ADGRL2: variants seen among roughly 807,000 people sequenced by gnomAD.
The protein encoded by ADGRL2 is adhesion G protein-coupled receptor L2.
Under a neutral mutation model 157.4 loss-of-function variants are expected in ADGRL2, and 44 were observed. That is an observed-to-expected ratio of 0.28 (90% CI 0.22 to 0.36). ADGRL2 has a LOEUF of 0.36. ADGRL2 is among the 10% of genes least tolerant of loss of function. ADGRL2 has a pLI of 1.00. For synonymous variants in ADGRL2, 585 were observed against 624.7 expected (o/e 0.94, Z 0.95); for missense variants, 1,510 against 1,768.9 (o/e 0.85, Z 2.63).
At chr1:81,754,533 T>TTC (rs2085608880) in intron 1 of ADGRL2, among the ~76,000 whole-genome samples, 2 of 139,278 alleles carry the variant, frequency 1.4e-5, no homozygotes, top group Admixed American at 1.5e-4. Flanking sequence ...CTCTTTCTCT[T>TTC]TCTTTCTTTC....
chr1:81,344,149 A>C (rs1570674417), intron 1 of ADGRL2, among the ~76,000 whole-genome samples: 1 of 152,000 alleles, frequency 6.6e-6, no homozygotes, highest in Non-Finnish European at 1.5e-5. Context: ...GCTCACTGCA[A>C]CCTCCGCCTC....
At chr1:81,376,301 G>A (rs2076248841) in intron 1 of ADGRL2, among the ~76,000 whole-genome samples, 1 of 152,190 alleles carries the variant, frequency 6.6e-6, no homozygotes, top group Admixed American at 6.5e-5. Flanking sequence ...TTCCAGAGCT[G>A]AGAAGGGAAC....
At chr1:81,682,131 GTA>G (rs2083132253) in intron 3 of ADGRL2, among the ~76,000 whole-genome samples, 1 of 146,120 alleles carries the variant, frequency 6.8e-6, no homozygotes, top group African/African-American at 2.5e-5. Context: ...GTGTGTGTGT[GTA>G]TTTTTCTTTT....
intron 2 of ADGRL2, among the ~76,000 whole-genome samples, chr1:81,465,423 T>A (rs540124448): frequency 6.6e-6 from 1 of 152,300 alleles, no homozygotes; most frequent in East Asian, 1.9e-4. Context: ...CTAATTTGTA[T>A]TTTGGATCTG....
chr1:81,413,746 C>T (rs2076988161), intron 1 of ADGRL2, among the ~76,000 whole-genome samples: 1 of 152,176 alleles, frequency 6.6e-6, no homozygotes, highest in Non-Finnish European at 1.5e-5. Context: ...CACTATCAGA[C>T]AGCTTCTCAT....
intron 1 of ADGRL2, among the ~76,000 whole-genome samples, chr1:81,731,787 G>A (rs999291493): frequency 6.6e-6 from 1 of 152,086 alleles, no homozygotes; most frequent in Non-Finnish European, 1.5e-5. Context: ...GCACTTTGCG[G>A]TTTGTTAATT....
chr1:81,831,539 A>T (rs13374217), intron 1 of ADGRL2, among the ~76,000 whole-genome samples: 1,857 of 152,200 alleles, frequency 0.012, 14 homozygotes, highest in Middle Eastern at 0.02. Context: ...TGATTTTAGA[A>T]CATGGGCTTA....
At chr1:81,637,239 G>A (rs10493696) in intron 3 of ADGRL2, among the ~76,000 whole-genome samples, 43,838 of 152,068 alleles carry the variant, frequency 0.29, 6,408 homozygotes, top group East Asian at 0.32. Flanking sequence ...ATCCTGCAAA[G>A]TGCTTTTCAT....
At chr1:81,323,690 C>G (rs1239666765) in intron 1 of ADGRL2, among the ~76,000 whole-genome samples, 1 of 152,064 alleles carries the variant, frequency 6.6e-6, no homozygotes, top group Non-Finnish European at 1.5e-5. Flanking sequence ...AATAAATAAG[C>G]TGATCAGATT....
intron 2 of ADGRL2, among the ~76,000 whole-genome samples, chr1:81,888,238 T>G (rs2094173054): frequency 6.6e-6 from 1 of 152,142 alleles, no homozygotes; most frequent in Non-Finnish European, 1.5e-5. Context: ...GAAATACAAC[T>G]CTTTATCAAA....
At chr1:81,670,719 A>G (rs2082857594) in intron 3 of ADGRL2, among the ~76,000 whole-genome samples, 1 of 152,212 alleles carries the variant, frequency 6.6e-6, no homozygotes, top group Admixed American at 6.5e-5. Context: ...GTGTAGCCAC[A>G]TATTTCTTTA....
chr1:81,697,030 C>G (rs1380524927), upstream of ADGRL2, among the ~76,000 whole-genome samples: 3 of 152,060 alleles, frequency 2.0e-5, no homozygotes, highest in Non-Finnish European at 4.4e-5. Context: ...TGGATTTTTG[C>G]AAGTATTTTA....
At chr1:81,378,543 C>G (rs1013211825) in intron 1 of ADGRL2, among the ~76,000 whole-genome samples, 2 of 141,258 alleles carry the variant, frequency 1.4e-5, no homozygotes, top group African/African-American at 2.7e-5. Flanking sequence ...CCAGCCTGGA[C>G]ACCAGAATGA....
intron 2 of ADGRL2, among the ~76,000 whole-genome samples, chr1:81,472,649 A>AG (rs1553168091): frequency 6.7e-6 from 1 of 148,724 alleles, no homozygotes. Context: ...AGGAAAGGAA[A>AG]GGAAAGGGAA....
chr1:81,770,486 C>T (rs1163273296), intron 2 of ADGRL2, among the ~76,000 whole-genome samples: 2 of 144,118 alleles, frequency 1.4e-5, no homozygotes, highest in Non-Finnish European at 3.0e-5. Context: ...TTTTCTTTTC[C>T]TTTTAAGACA....
intron 2 of ADGRL2, among the ~76,000 whole-genome samples, chr1:81,570,349 A>G (rs2080659380): frequency 6.6e-6 from 1 of 152,138 alleles, no homozygotes; most frequent in Admixed American, 6.5e-5. Context: ...CTACTCATTC[A>G]TATTTTTAAC....
intron 1 of ADGRL2, among the ~76,000 whole-genome samples, chr1:81,757,065 C>T (rs2085717757): frequency 6.6e-6 from 1 of 152,104 alleles, no homozygotes; most frequent in Non-Finnish European, 1.5e-5. Flanking sequence ...CTAATGTTTG[C>T]TATCACCAGA....
intron 1 of ADGRL2, among the ~76,000 whole-genome samples, chr1:81,322,653 A>G (rs1385919380): frequency 1.3e-5 from 2 of 152,110 alleles, no homozygotes; most frequent in African/African-American, 4.8e-5. Flanking sequence ...CACATCTGGC[A>G]TATTATAATT....
intron 1 of ADGRL2, among the ~76,000 whole-genome samples, chr1:81,361,246 C>T (rs2075973574): frequency 1.3e-5 from 2 of 151,824 alleles, no homozygotes; most frequent in African/African-American, 2.4e-5. Flanking sequence ...TCTAAGCTGC[C>T]ATTTTGGAGA....
Sources: gnomAD v4.1 joint callset for allele counts (sites outside exome capture counted in the v4.1 genomes callset) on GRCh38, gnomAD v4.1.1 for gene constraint, MANE v1.5 for transcripts, NCBI Gene and HGNC (gene_info 2026-07-23, HGNC 2026-07-21) for gene names.